PCDH9: variants seen among roughly 807,000 people sequenced by gnomAD.
PCDH9 encodes protocadherin-9.
In PCDH9, 24 loss-of-function variants were observed where a neutral mutation model predicts 70.6. The ratio of observed to expected loss-of-function variants is 0.34; its 90% CI spans 0.25 to 0.48. PCDH9 has a LOEUF of 0.48. PCDH9 is among the 20% of genes least tolerant of loss of function. The pLI is 0.99. For missense variants in PCDH9, 1,281 were observed against 1,503.6 expected (o/e 0.85, Z 2.45); for synonymous variants, 562 against 558.5 (o/e 1.01, Z -0.09).
intron 2 of PCDH9, among the ~76,000 whole-genome samples, chr13:66,905,996 GACTTTT>G (rs1240335837): frequency 1.3e-5 from 2 of 152,118 alleles, no homozygotes; most frequent in African/African-American, 4.8e-5. Context: ...TTGATAATCA[GACTTTT>G]ACTGAGTGCA....
intron 4 of PCDH9, among the ~76,000 whole-genome samples, chr13:66,507,871 G>GC (rs1731934983): frequency 6.6e-6 from 1 of 152,044 alleles, no homozygotes; most frequent in Admixed American, 6.6e-5. Context: ...ACTGGTGTGT[G>GC]CCCCCACGCC....
At chr13:66,786,900 C>T (rs899534027) in intron 3 of PCDH9, among the ~76,000 whole-genome samples, 6 of 152,034 alleles carry the variant, frequency 3.9e-5, no homozygotes, top group Non-Finnish European at 8.8e-5. Context: ...AAATAAAACA[C>T]AACTGATTAT....
At chr13:66,727,113 T>A (rs1358100805) in intron 3 of PCDH9, among the ~76,000 whole-genome samples, 1 of 151,942 alleles carries the variant, frequency 6.6e-6, no homozygotes, top group Non-Finnish European at 1.5e-5. Context: ...CAAAACATTT[T>A]AAAAATTAGC....
intron 4 of PCDH9, among the ~76,000 whole-genome samples, chr13:66,409,665 T>C (rs1248685187): frequency 1.3e-5 from 2 of 152,230 alleles, no homozygotes; most frequent in Admixed American, 6.5e-5. Flanking sequence ...AAACCAGTTA[T>C]TGTAATACCA....
intron 2 of PCDH9, among the ~76,000 whole-genome samples, chr13:67,180,075 T>A (rs1190822959): frequency 6.8e-6 from 1 of 146,334 alleles, no homozygotes; most frequent in Non-Finnish European, 1.5e-5. Context: ...TCTCTTAGAA[T>A]TTTTTCTACA....
At chr13:66,507,677 CT>C (rs1162843158) in intron 4 of PCDH9, among the ~76,000 whole-genome samples, 1 of 150,220 alleles carries the variant, frequency 6.7e-6, no homozygotes, top group African/African-American at 2.4e-5. Context: ...TAATATACCC[CT>C]ACCTTGCATT....
At chr13:66,546,581 C>T (rs994619066) in intron 4 of PCDH9, among the ~76,000 whole-genome samples, 1 of 152,076 alleles carries the variant, frequency 6.6e-6, no homozygotes, top group Non-Finnish European at 1.5e-5. Flanking sequence ...AGTAAAACTA[C>T]TACAGTAAAC....
intron 2 of PCDH9, among the ~76,000 whole-genome samples, chr13:67,193,437 A>AT (rs1053406165): frequency 2.6e-5 from 4 of 151,486 alleles, no homozygotes; most frequent in Non-Finnish European, 5.9e-5. Flanking sequence ...TCTTTTATCT[A>AT]TTTTTTTTCT....
chr13:66,953,722 C>A (rs2083222171), intron 2 of PCDH9, among the ~76,000 whole-genome samples: 2 of 152,216 alleles, frequency 1.3e-5, no homozygotes, highest in Admixed American at 1.3e-4. Context: ...ACAAACCCAG[C>A]ATGTGGTATA....
At chr13:66,894,648 A>G (rs1405367509) in intron 3 of PCDH9, among the ~76,000 whole-genome samples, 1 of 152,160 alleles carries the variant, frequency 6.6e-6, no homozygotes, top group Non-Finnish European at 1.5e-5. Context: ...TTATTATTAC[A>G]TGTGACCATA....
intron 2 of PCDH9, among the ~76,000 whole-genome samples, chr13:67,148,492 A>G (rs2087578469): frequency 6.6e-6 from 1 of 152,124 alleles, no homozygotes; most frequent in Non-Finnish European, 1.5e-5. Context: ...TTCTTGTTAT[A>G]TGCAATAACC....
chr13:66,443,748 T>C (rs186635960), intron 4 of PCDH9, among the ~76,000 whole-genome samples: 2 of 152,164 alleles, frequency 1.3e-5, no homozygotes, highest in South Asian at 2.1e-4. Flanking sequence ...AGTAAATATA[T>C]AGATAAAGAT....
chr13:66,975,113 T>C (rs868307103), intron 2 of PCDH9, among the ~76,000 whole-genome samples: 73 of 152,064 alleles, frequency 4.8e-4, no homozygotes, highest in African/African-American at 1.7e-3. Flanking sequence ...TGAACTAGCA[T>C]GATAAATGCC....
intron 2 of PCDH9, among the ~76,000 whole-genome samples, chr13:67,030,905 T>C (rs1055085592): frequency 6.6e-6 from 1 of 152,172 alleles, no homozygotes; most frequent in African/African-American, 2.4e-5. Flanking sequence ...TTTTTAACTA[T>C]TCATTCAGAG....
chr13:66,834,128 T>C (rs941377920), intron 3 of PCDH9, among the ~76,000 whole-genome samples: 3 of 151,650 alleles, frequency 2.0e-5, no homozygotes, highest in African/African-American at 7.3e-5. Flanking sequence ...TTATTTGTTA[T>C]CCTGAATATA....
At chr13:67,016,469 G>A (rs955102175) in intron 2 of PCDH9, among the ~76,000 whole-genome samples, 8 of 152,110 alleles carry the variant, frequency 5.3e-5, no homozygotes, top group African/African-American at 1.9e-4. Flanking sequence ...TTGATAAATT[G>A]GATTCACAAA....
chr13:66,849,105 G>A (rs972803548), intron 3 of PCDH9, among the ~76,000 whole-genome samples: 1 of 151,870 alleles, frequency 6.6e-6, no homozygotes, highest in Non-Finnish European at 1.5e-5. Flanking sequence ...ATCTATTCAA[G>A]TCATAATAAT....
At chr13:66,523,848 T>A (rs1302564418) in intron 4 of PCDH9, among the ~76,000 whole-genome samples, 1 of 152,116 alleles carries the variant, frequency 6.6e-6, no homozygotes, top group African/African-American at 2.4e-5. Flanking sequence ...TTTTTATAAA[T>A]GTAAACTTTT....
intron 4 of PCDH9, among the ~76,000 whole-genome samples, chr13:66,501,115 C>A (rs554000031): frequency 6.6e-6 from 1 of 151,882 alleles, no homozygotes; most frequent in Non-Finnish European, 1.5e-5. Context: ...TCTCAAAAGG[C>A]GGGCCAAACT....
Sources: gnomAD v4.1 joint callset for allele counts (sites outside exome capture counted in the v4.1 genomes callset) on GRCh38, gnomAD v4.1.1 for gene constraint, MANE v1.5 for transcripts, NCBI Gene and HGNC (gene_info 2026-07-23, HGNC 2026-07-21) for gene names.